Variants in XIRP2 observed in about 807,000 individuals in gnomAD.
XIRP2 encodes the protein xin actin binding repeat containing 2.
XIRP2 carries 236 observed loss-of-function variants against 277.0 expected under a neutral mutation model. The ratio of observed to expected loss-of-function variants is 0.85; its 90% CI spans 0.77 to 0.95. XIRP2 has a LOEUF of 0.95. Among genes scored for constraint, XIRP2 ranks in the 40% least tolerant of loss-of-function variants. The probability of loss-of-function intolerance (pLI) is 0.00; values close to 1 mark genes in which losing one functional copy is unlikely to be tolerated. For missense variants in XIRP2, 4,640 were observed against 4,157.5 expected (o/e 1.12, Z -3.19); for synonymous variants, 1,490 against 1,416.5 (o/e 1.05, Z -1.17).
chr2:167,212,534 C>A lies in XIRP2; in HGVS notation c.723+1639C>A, dbSNP rs537313973. On this transcript the variant is annotated intron_variant, in intron 4 of 10. Coordinates refer to ENST00000409195, the MANE Select transcript of XIRP2 (RefSeq NM_152381.6). Reference sequence around the variant, plus strand: ...AAATCAAAAACTTTAGGGCTAATCTCAAAATGTCTACATATAAAGAATTTA... The same window carrying A: ...AAATCAAAAACTTTAGGGCTAATCTAAAAATGTCTACATATAAAGAATTTA... 3.2e-3 allele frequency among the ~76,000 whole-genome samples: 494 copies of A among 152,270 alleles called. 20 individuals are homozygous for A. In the East Asian group the frequency reaches 0.067, roughly 21 times the overall value.
At chr2:167,052,969 T>C (rs1266911457) in intron 2 of XIRP2, among the ~76,000 whole-genome samples, 1 of 152,190 alleles carries the variant, frequency 6.6e-6, no homozygotes, top group African/African-American at 2.4e-5. Flanking sequence ...GGTAATGCCT[T>C]GGCCTATGTA....
chr2:167,251,063 A>T lies in XIRP2; in HGVS notation c.9671A>T (p.Gln3224Leu). 1 of 1,613,676 alleles carries T rather than the reference A, an allele frequency of 6.2e-7. No homozygotes were observed. Among genetic ancestry groups the T allele is most frequent in the African/African-American group, 1.3e-5 (1 of 74,974 alleles). ...IIMSPATLRRQIKIETRGRDS... is the reference protein window; with the variant it reads ...IIMSPATLRRLIKIETRGRDS... ...ATGTCTCCTGCAACACTTCGTCGTC[A>T]AATTAAGATAGAAACTCGTGGTAGG... The change falls in exon 9 of 11, where the codon CAA (glutamine) becomes CTA (leucine). Residue 3224 changes from glutamine (Q) to leucine (L), a missense_variant. Coordinates refer to ENST00000409195, the MANE Select transcript of XIRP2 (RefSeq NM_152381.6).
intron 2 of XIRP2, among the ~76,000 whole-genome samples, chr2:167,078,422 T>G (rs1252288337): frequency 1.3e-5 from 2 of 152,148 alleles, no homozygotes; most frequent in East Asian, 1.9e-4. Context: ...TGAGGAGAGA[T>G]AGTTGGATTT....
chr2:167,211,726 G>T (rs942051208), intron 4 of XIRP2, among the ~76,000 whole-genome samples: 2 of 152,068 alleles, frequency 1.3e-5, no homozygotes, highest in Non-Finnish European at 2.9e-5. Flanking sequence ...ATTAGGAAAG[G>T]TTTAATCAAC....
chr2:166,945,046 C>T (rs1183346811), intron 2 of XIRP2, among the ~76,000 whole-genome samples: 2 of 152,128 alleles, frequency 1.3e-5, no homozygotes, highest in Admixed American at 1.3e-4. Context: ...TTGTTGATCA[C>T]ATTCTCTCCT....
Position 167,134,460 on chromosome 2 carries a change from C to T in XIRP2, c.409-1449C>T, listed in dbSNP as rs561608622. Among the ~76,000 whole-genome samples the T allele has an allele frequency of 1.1e-4, 17 of 151,990 alleles. No individual in the cohort carries two copies. In the East Asian group the frequency reaches 1.9e-3, roughly 17 times the overall value. ...AAATGTATCTACTCTAAGAATGTTT[C>T]GAAGCTTTTAGCTGTCTCTCAAACT... On this transcript the variant is annotated intron_variant, in intron 2 of 10. Transcript: ENST00000409195.
chr2:167,041,105 G>T (rs1688649614), intron 2 of XIRP2, among the ~76,000 whole-genome samples: 1 of 152,270 alleles, frequency 6.6e-6, no homozygotes, highest in Non-Finnish European at 1.5e-5. Context: ...CCATAAACCT[G>T]GGCCCAGCCC....
intron 2 of XIRP2, among the ~76,000 whole-genome samples, chr2:167,052,366 G>A (rs144683459): frequency 1.4e-3 from 211 of 151,942 alleles, no homozygotes; most frequent in African/African-American, 4.5e-3. Context: ...TTAAAATCTC[G>A]TTTTTCGTGT....
chr2:167,127,301 G>A (rs966105241), intron 2 of XIRP2, among the ~76,000 whole-genome samples: 4 of 151,746 alleles, frequency 2.6e-5, no homozygotes, highest in Non-Finnish European at 5.9e-5. Flanking sequence ...GTAGAGTTGT[G>A]CATCTATCAT....
intron 3 of XIRP2, among the ~76,000 whole-genome samples, chr2:167,179,580 A>G (rs565821584): frequency 6.6e-6 from 1 of 151,674 alleles, no homozygotes; most frequent in East Asian, 1.9e-4. Flanking sequence ...TTGGCCTCCC[A>G]AAGTGCTGGG....
chr2:167,123,655 T>C (rs1691121012), intron 2 of XIRP2, among the ~76,000 whole-genome samples: 1 of 152,112 alleles, frequency 6.6e-6, no homozygotes, highest in Non-Finnish European at 1.5e-5. Context: ...TTGCTGCCTC[T>C]TCACATGCTC....
chr2:167,044,846 G>GATGCTATTCCTATCAAACCACCA, intron 2 of XIRP2, among the ~76,000 whole-genome samples: 1 of 151,648 alleles, frequency 6.6e-6, no homozygotes, highest in South Asian at 2.1e-4. Context: ...GTACAGATTC[G>GATGCTATTCCTATCAAACCACCA]ATGCTATTCC....
At position 167,246,300 on chromosome 2, in the gene XIRP2, T is replaced by A. The variant is rs1695260460; in HGVS notation, c.4908T>A (p.Thr1636=). The A allele has an allele frequency of 6.2e-7, 1 of 1,613,184 alleles. No individual in the cohort carries two copies. The highest frequency in any genetic ancestry group is 8.5e-7 in the Non-Finnish European group (1 of 1,179,668). The part of the protein sequence containing the change: ...SEEEKGNVNL[T]KTQLLNRSTE... ...AAGAGAAGGGAAATGTTAATTTGAC[T>A]AAAACTCAATTATTAAACAGATCAA... Residue 1636 remains threonine (T), a synonymous_variant, in exon 9 of 11, where the codon ACT becomes ACA. Transcript: ENST00000409195.
At chr2:167,154,723 G>T (rs906849988) in intron 3 of XIRP2, among the ~76,000 whole-genome samples, 1 of 152,180 alleles carries the variant, frequency 6.6e-6, no homozygotes, top group East Asian at 1.9e-4. Context: ...AAAGCTGGCA[G>T]AAGGCAAGAA....
intron 2 of XIRP2, among the ~76,000 whole-genome samples, chr2:167,113,211 T>C (rs1396234336): frequency 6.6e-6 from 1 of 152,176 alleles, no homozygotes; most frequent in Non-Finnish European, 1.5e-5. Context: ...TTGTTAATTT[T>C]CCGCCTTGAT....
chr2:166,949,114 A>G (rs1466564166), intron 2 of XIRP2, among the ~76,000 whole-genome samples: 3 of 151,982 alleles, frequency 2.0e-5, no homozygotes, highest in South Asian at 2.1e-4. Context: ...ATGAGAGTCA[A>G]ATAGGCTCAT....
chr2:167,057,771 A>G (rs1471915791), intron 2 of XIRP2, among the ~76,000 whole-genome samples: 1 of 152,140 alleles, frequency 6.6e-6, no homozygotes, highest in East Asian at 1.9e-4. Flanking sequence ...GTCAGAAGTA[A>G]AGAAATATAA....
intron 1 of XIRP2, among the ~76,000 whole-genome samples, chr2:166,895,153 A>G (rs1429181097): frequency 1.3e-5 from 2 of 152,182 alleles, no homozygotes; most frequent in African/African-American, 4.8e-5. Context: ...ACTCCTAACA[A>G]GGAAAAATGC....
At chr2:166,889,601 T>C (rs141858962) in intron 1 of XIRP2, 1 of 153,224 alleles carries the variant, frequency 6.5e-6, no homozygotes, top group Admixed American at 6.5e-5. Context: ...TCCCACTGTT[T>C]CCAGATGATC....
Sources: allele counts gnomAD v4.1 joint callset (sites outside exome capture counted in the v4.1 genomes callset), GRCh38; gene constraint gnomAD v4.1.1; transcripts MANE v1.5; gene names NCBI Gene and HGNC (gene_info 2026-07-23, HGNC 2026-07-21).